SLC41A2: variants seen among roughly 807,000 people sequenced by gnomAD.
The protein encoded by SLC41A2 is solute carrier family 41 member 2.
In SLC41A2, 32 loss-of-function variants were observed where a neutral mutation model predicts 58.3. That is an observed-to-expected ratio of 0.55 (90% confidence interval 0.41 to 0.74). The LOEUF is 0.74. SLC41A2 is among the 30% of genes least tolerant of loss of function. The probability of loss-of-function intolerance (pLI) is 0.00; values close to 1 mark genes in which losing one functional copy is unlikely to be tolerated. For synonymous variants in SLC41A2, 190 were observed against 235.0 expected, an observed-to-expected ratio of 0.81 and a Z score of 1.75; for missense variants, 514 against 680.6, an observed-to-expected ratio of 0.76 and a Z score of 2.72.
At chr12:104,926,579 C>T (rs1002893526) in intron 2 of SLC41A2, among the ~76,000 whole-genome samples, 5 of 150,046 alleles carry the variant, frequency 3.3e-5, no homozygotes, top group African/African-American at 7.4e-5. Context: ...CAAAGCTAGA[C>T]TGCGCCTTAA....
At chr12:104,842,790 T>C (rs2042461863) in intron 10 of SLC41A2, among the ~76,000 whole-genome samples, 1 of 152,120 alleles carries the variant, frequency 6.6e-6, no homozygotes, top group Non-Finnish European at 1.5e-5. Flanking sequence ...GAAAAATTAC[T>C]TATATCCTTC....
intron 1 of SLC41A2, among the ~76,000 whole-genome samples, chr12:104,948,975 G>A (rs2047846309): frequency 6.6e-6 from 1 of 152,164 alleles, no homozygotes; most frequent in South Asian, 2.1e-4. Flanking sequence ...CAGCACTTTG[G>A]GAGGCCGAGG....
At chr12:104,853,911 A>ATTATTATTTTTTTTT in intron 8 of SLC41A2, among the ~76,000 whole-genome samples, 2,259 of 59,326 alleles carry the variant, frequency 0.038, 185 homozygotes, top group Admixed American at 0.072. Flanking sequence ...TGCCTGGCTG[A>ATTATTATTTTTTTTT]TTTTTTTTTT....
At chr12:104,807,230 A>G (rs1324709854) in intron 10 of SLC41A2, among the ~76,000 whole-genome samples, 2 of 152,112 alleles carry the variant, frequency 1.3e-5, no homozygotes. Context: ...TCCATCTCGA[A>G]TTAATTTTTG....
At chr12:104,934,504 GA>G (rs10592870) in intron 1 of SLC41A2, among the ~76,000 whole-genome samples, 19,406 of 148,972 alleles carry the variant, frequency 0.13, 1,441 homozygotes, top group East Asian at 0.24. Flanking sequence ...GACGTTTAGA[GA>G]AAAAAAAAAG....
At chr12:104,902,854 T>C (rs926065939) in intron 3 of SLC41A2, among the ~76,000 whole-genome samples, 1 of 152,162 alleles carries the variant, frequency 6.6e-6, no homozygotes, top group African/African-American at 2.4e-5. Flanking sequence ...GTATCAGAAC[T>C]GAAATAAACC....
At chr12:104,826,949 G>A (rs557249039) in intron 10 of SLC41A2, among the ~76,000 whole-genome samples, 9 of 152,330 alleles carry the variant, frequency 5.9e-5, no homozygotes, top group African/African-American at 2.2e-4. Context: ...AAGAGAAGCA[G>A]TACCAGTGTA....
intron 2 of SLC41A2, among the ~76,000 whole-genome samples, chr12:104,915,446 G>C (rs865994312): frequency 6.6e-5 from 10 of 152,144 alleles, no homozygotes; most frequent in Non-Finnish European, 1.0e-4. Context: ...TTATTTCATT[G>C]AGCAGTGGTG....
rs1485213846 is a variant in SLC41A2, at chr12:104,802,005, A to G, written c.*3147T>C. Among the ~76,000 whole-genome samples the G allele has an allele frequency of 8.5e-5, 13 of 152,270 alleles. No individual in the cohort carries two copies. ...CGAAGATGGCAGAACCCCGTTATAA[A>G]TGGGTACACTATACCATAGATATAA... On this transcript the variant is annotated 3_prime_UTR_variant, in exon 11 of 11. Coordinates refer to ENST00000258538, the MANE Select transcript of SLC41A2 (RefSeq NM_001352171.3).
chr12:104,879,202 G>A (rs1301996851), intron 6 of SLC41A2, among the ~76,000 whole-genome samples: 2 of 152,152 alleles, frequency 1.3e-5, no homozygotes, highest in Non-Finnish European at 2.9e-5. Context: ...GTAGATTCTG[G>A]CTATTAGCCC....
At chr12:104,882,163 T>C (rs1315932284) in intron 6 of SLC41A2, among the ~76,000 whole-genome samples, 1 of 152,152 alleles carries the variant, frequency 6.6e-6, no homozygotes, top group Non-Finnish European at 1.5e-5. Flanking sequence ...TGTTTTCCAT[T>C]TGCTTGATAG....
chr12:104,807,959 T>C (rs1442061141), intron 10 of SLC41A2, among the ~76,000 whole-genome samples: 2 of 152,204 alleles, frequency 1.3e-5, no homozygotes, highest in Non-Finnish European at 2.9e-5. Context: ...CTTAAGGAGA[T>C]TTTGGGCTGA....
intron 10 of SLC41A2, among the ~76,000 whole-genome samples, chr12:104,829,311 G>C (rs545067021): frequency 6.6e-6 from 1 of 152,042 alleles, no homozygotes; most frequent in Non-Finnish European, 1.5e-5. Context: ...CTACTACTCA[G>C]CAATAAAAAT....
At chr12:104,944,217 G>C (rs2047623150) in intron 1 of SLC41A2, among the ~76,000 whole-genome samples, 1 of 152,196 alleles carries the variant, frequency 6.6e-6, no homozygotes, top group Non-Finnish European at 1.5e-5. Flanking sequence ...TCCCCAGAGA[G>C]AAGTAGCATT....
At chr12:104,890,758 G>A (rs1473022298) in intron 4 of SLC41A2, among the ~76,000 whole-genome samples, 1 of 152,188 alleles carries the variant, frequency 6.6e-6, no homozygotes, top group Non-Finnish European at 1.5e-5. Context: ...TTCCTCATGT[G>A]GGACTGGAGA....
At chr12:104,946,944 A>G (rs902171577) in intron 1 of SLC41A2, among the ~76,000 whole-genome samples, 1 of 152,186 alleles carries the variant, frequency 6.6e-6, no homozygotes, top group Non-Finnish European at 1.5e-5. Flanking sequence ...CAGTTTTCTC[A>G]TGTAAATACA....
chr12:104,817,354 T>C (rs952951963), intron 10 of SLC41A2, among the ~76,000 whole-genome samples: 8 of 152,206 alleles, frequency 5.3e-5, no homozygotes, highest in African/African-American at 1.9e-4. Context: ...TATACACTAA[T>C]GTAGACATTA....
chr12:104,812,121 C>A (rs2041198502), intron 10 of SLC41A2, among the ~76,000 whole-genome samples: 1 of 152,194 alleles, frequency 6.6e-6, no homozygotes, highest in African/African-American at 2.4e-5. Flanking sequence ...CAGTGGCAGG[C>A]AGGAGGATGA....
chr12:104,805,374 G>A, intron 10 of SLC41A2, 37 bp from the exon 11 acceptor site: 3 of 1,574,378 alleles, frequency 1.9e-6, no homozygotes, highest in Non-Finnish European at 2.6e-6. Flanking sequence ...CGGCTGCCTG[G>A]ACATTCCTAG....
Sources: allele counts gnomAD v4.1 joint callset (sites outside exome capture counted in the v4.1 genomes callset), GRCh38; gene constraint gnomAD v4.1.1; transcripts MANE v1.5; gene names NCBI Gene and HGNC (gene_info 2026-07-23, HGNC 2026-07-21).